The following CNTNAP2 variants were observed in gnomAD, a reference collection of about 807,000 sequenced individuals.
CNTNAP2 encodes the protein contactin associated protein 2.
CNTNAP2 carries 98 observed loss-of-function variants against 155.2 expected under a neutral mutation model. The ratio of observed to expected loss-of-function variants is 0.63; its 90% CI spans 0.54 to 0.75. The LOEUF (loss-of-function observed/expected upper bound fraction) is 0.75. Among genes scored for constraint, CNTNAP2 ranks in the 30% least tolerant of loss-of-function variants. The probability of loss-of-function intolerance (pLI) is 0.00; values close to 1 mark genes in which losing one functional copy is unlikely to be tolerated. For missense variants in CNTNAP2, 1,727 were observed against 1,688.1 expected (o/e 1.02, Z -0.40); for synonymous variants, 651 against 631.2 (o/e 1.03, Z -0.47).
intron 14 of CNTNAP2, among the ~76,000 whole-genome samples, chr7:147,908,102 TTAAATGAAAA>T (rs1169422602): frequency 6.6e-5 from 10 of 152,152 alleles, no homozygotes; most frequent in Non-Finnish European, 1.5e-4. Context: ...CAATTGACTC[TTAAATGAAAA>T]TAAATGAAAA....
At chr7:147,632,779 A>C (rs1259413528) in intron 12 of CNTNAP2, among the ~76,000 whole-genome samples, 1 of 152,174 alleles carries the variant, frequency 6.6e-6, no homozygotes, top group Non-Finnish European at 1.5e-5. Context: ...AAAATGTGGG[A>C]AAGTTTGGAG....
chr7:147,115,951 C>A (rs948365574), intron 5 of CNTNAP2, among the ~76,000 whole-genome samples: 43 of 152,130 alleles, frequency 2.8e-4, no homozygotes, highest in African/African-American at 1.0e-3. Flanking sequence ...GGTGTCTTAT[C>A]TACCTTCAAT....
At chr7:147,752,152 TCTTTGATA>T (rs1797146413) in intron 13 of CNTNAP2, among the ~76,000 whole-genome samples, 1 of 152,244 alleles carries the variant, frequency 6.6e-6, no homozygotes, top group African/African-American at 2.4e-5. Flanking sequence ...ACAATCGGTT[TCTTTGATA>T]CAGATACGTA....
chr7:147,453,984 A>G (rs1011854572), intron 10 of CNTNAP2, among the ~76,000 whole-genome samples: 2 of 147,576 alleles, frequency 1.4e-5, no homozygotes, highest in South Asian at 4.4e-4. Flanking sequence ...TTTGTTATTT[A>G]TAGGAACTGG....
chr7:146,731,359 TTTATTTA>T (rs550921831), intron 1 of CNTNAP2, among the ~76,000 whole-genome samples: 312 of 151,960 alleles, frequency 2.1e-3, no homozygotes, highest in African/African-American at 7.0e-3. Context: ...CGTGCAATAT[TTTATTTA>T]TTATTTATTA....
intron 14 of CNTNAP2, among the ~76,000 whole-genome samples, chr7:147,958,475 G>A (rs56013043): frequency 0.083 from 12,691 of 152,112 alleles, 598 homozygotes; most frequent in Non-Finnish European, 0.099. Context: ...GCTCATCAAG[G>A]TCTTCAGATG....
intron 13 of CNTNAP2, among the ~76,000 whole-genome samples, chr7:147,643,875 T>C (rs1795325202): frequency 6.6e-6 from 1 of 152,172 alleles, no homozygotes; most frequent in Non-Finnish European, 1.5e-5. Flanking sequence ...TACCATACCA[T>C]TAGCTAGTAA....
chr7:146,874,542 T>C (rs2129207897), intron 3 of CNTNAP2, among the ~76,000 whole-genome samples: 1 of 152,270 alleles, frequency 6.6e-6, no homozygotes, highest in African/African-American at 2.4e-5. Context: ...TTTCACCATG[T>C]TGGTCAGGCT....
chr7:146,447,253 C>G (rs1223741591), intron 1 of CNTNAP2, among the ~76,000 whole-genome samples: 2 of 152,016 alleles, frequency 1.3e-5, no homozygotes, highest in South Asian at 4.1e-4. Flanking sequence ...CGCCACAGCA[C>G]AGTTATGCCA....
chr7:147,985,135 T>G (rs1055625988), intron 15 of CNTNAP2, among the ~76,000 whole-genome samples: 2 of 149,326 alleles, frequency 1.3e-5, no homozygotes, highest in Admixed American at 6.6e-5. Context: ...AATAAATAAA[T>G]AAATAAATAA....
intron 3 of CNTNAP2, among the ~76,000 whole-genome samples, chr7:146,970,046 T>C (rs1797750024): frequency 6.6e-6 from 1 of 152,108 alleles, no homozygotes; most frequent in African/African-American, 2.4e-5. Flanking sequence ...TTACACCTTA[T>C]ACAAAAATTA....
intron 8 of CNTNAP2, among the ~76,000 whole-genome samples, chr7:147,204,637 T>G (rs980926566): frequency 6.6e-5 from 10 of 152,102 alleles, no homozygotes; most frequent in Non-Finnish European, 1.3e-4. Flanking sequence ...GTACCTAGTG[T>G]TGATGATTTA....
chr7:146,624,913 T>G (rs1341525506), intron 1 of CNTNAP2, among the ~76,000 whole-genome samples: 1 of 151,976 alleles, frequency 6.6e-6, no homozygotes, highest in East Asian at 1.9e-4. Flanking sequence ...AAAATAGTGA[T>G]ATTTTTAACA....
chr7:146,241,134 C>A (rs1303261421), intron 1 of CNTNAP2, among the ~76,000 whole-genome samples: 3 of 152,146 alleles, frequency 2.0e-5, no homozygotes, highest in African/African-American at 7.2e-5. Flanking sequence ...ACATGATCCA[C>A]TCAGCTCCCA....
intron 9 of CNTNAP2, among the ~76,000 whole-genome samples, chr7:147,303,122 C>T (rs1240351160): frequency 2.0e-5 from 3 of 152,322 alleles, no homozygotes; most frequent in South Asian, 2.1e-4. Context: ...TTACAGGCCT[C>T]GCCAGAATCT....
At chr7:147,187,677 C>G (rs1329620793) in intron 8 of CNTNAP2, among the ~76,000 whole-genome samples, 1 of 152,114 alleles carries the variant, frequency 6.6e-6, no homozygotes, top group Non-Finnish European at 1.5e-5. Flanking sequence ...CAGTCACACC[C>G]CATACCTTAG....
chr7:146,822,508 T>C (rs1803307294), intron 2 of CNTNAP2, among the ~76,000 whole-genome samples: 1 of 151,102 alleles, frequency 6.6e-6, no homozygotes, highest in South Asian at 2.1e-4. Context: ...AACTCAGACA[T>C]TTGTCCCACC....
intron 1 of CNTNAP2, among the ~76,000 whole-genome samples, chr7:146,706,792 G>C (rs1435592674): frequency 6.6e-6 from 1 of 151,682 alleles, no homozygotes; most frequent in East Asian, 1.9e-4. Context: ...AGCAGGGAGA[G>C]GATCAGGAAA....
chr7:148,384,015 G>A, intron 22 of CNTNAP2, 127 bp downstream of exon 22: 1 of 1,350,320 alleles, frequency 7.4e-7, no homozygotes, highest in Non-Finnish European at 1.0e-6. Context: ...AAAGGGCAAA[G>A]GAACGTTGTG....
Sources: allele counts gnomAD v4.1 joint callset (sites outside exome capture counted in the v4.1 genomes callset), GRCh38; gene constraint gnomAD v4.1.1; transcripts MANE v1.5; gene names NCBI Gene and HGNC (gene_info 2026-07-23, HGNC 2026-07-21).